DISC1: variants seen among roughly 807,000 people sequenced by gnomAD.
DISC1 encodes disrupted in schizophrenia 1 protein.
DISC1 carries 57 observed loss-of-function variants against 84.5 expected under a neutral mutation model. The ratio of observed to expected loss-of-function variants is 0.67; its 90% CI spans 0.55 to 0.84. The LOEUF (loss-of-function observed/expected upper bound fraction) is 0.84. Ranked by LOEUF, DISC1 falls within the 40% of genes least tolerant of loss-of-function variation. The probability of loss-of-function intolerance (pLI) is 0.00; values close to 1 mark genes in which losing one functional copy is unlikely to be tolerated. For missense variants in DISC1, 1,000 were observed against 1,057.8 expected, an observed-to-expected ratio of 0.95 and a Z score of 0.76; for synonymous variants, 411 against 415.2, an observed-to-expected ratio of 0.99 and a Z score of 0.12.
chr1:231,834,338 C>T lies in DISC1; in HGVS notation c.1981+15821C>T, dbSNP rs1291969190. ...GAAAAGGAAGATTAGAAAGACTTAG[C>T]GACGCTTGGGGTTGGGACTGAGGGG... On this transcript the variant is annotated intron_variant, in intron 9 of 12. Transcript: ENST00000439617. Among the ~76,000 whole-genome samples the T allele has an allele frequency of 4.6e-5, 7 of 151,924 alleles. No individual in the cohort carries two copies. The South Asian group carries it at 6.2e-4, about 14-fold the overall frequency.
intron 11 of DISC1, among the ~76,000 whole-genome samples, chr1:232,011,465 G>T (rs77814037): frequency 6.6e-6 from 1 of 152,188 alleles, no homozygotes; most frequent in African/African-American, 2.4e-5. Context: ...TTCCTGTATC[G>T]CAGTGCTGGA....
chr1:231,871,822 A>G (rs2085488161), intron 9 of DISC1, among the ~76,000 whole-genome samples: 1 of 152,186 alleles, frequency 6.6e-6, no homozygotes, highest in South Asian at 2.1e-4. Flanking sequence ...AATTGTTTCC[A>G]GGGCAGCTTG....
intron 1 of DISC1, among the ~76,000 whole-genome samples, chr1:231,688,038 C>T (rs1326567985): frequency 6.6e-6 from 1 of 151,744 alleles, no homozygotes. Context: ...AATTCCAAAA[C>T]CACATACATT....
intron 3 of DISC1, among the ~76,000 whole-genome samples, chr1:231,729,306 G>A (rs1423002323): frequency 6.6e-6 from 1 of 152,170 alleles, no homozygotes. Context: ...AAACATACGT[G>A]TGCATATGTC....
At chr1:231,791,629 G>A (rs2078359978) in intron 6 of DISC1, among the ~76,000 whole-genome samples, 1 of 152,194 alleles carries the variant, frequency 6.6e-6, no homozygotes, top group African/African-American at 2.4e-5. Context: ...TTCTGAAAAT[G>A]TGTTCGCTAA....
At chr1:231,749,339 T>C (rs909095920) in intron 3 of DISC1, among the ~76,000 whole-genome samples, 2 of 152,260 alleles carry the variant, frequency 1.3e-5, no homozygotes, top group African/African-American at 4.8e-5. Context: ...GAAAAAATTG[T>C]ATTACACAGA....
intron 3 of DISC1, among the ~76,000 whole-genome samples, chr1:231,745,948 C>G (rs1471154536): frequency 6.6e-6 from 1 of 152,094 alleles, no homozygotes; most frequent in Non-Finnish European, 1.5e-5. Flanking sequence ...GTTAAAAGAG[C>G]CTGGCATTTC....
At chr1:231,741,657 G>T (rs746948012) in intron 3 of DISC1, among the ~76,000 whole-genome samples, 1 of 152,156 alleles carries the variant, frequency 6.6e-6, no homozygotes, top group African/African-American at 2.4e-5. Context: ...CTACCTGCAG[G>T]GTTGGCAGGA....
intron 11 of DISC1, among the ~76,000 whole-genome samples, chr1:232,011,466 CA>C (rs1188937356): frequency 3.9e-5 from 6 of 152,120 alleles, no homozygotes; most frequent in Non-Finnish European, 4.4e-5. Context: ...TCCTGTATCG[CA>C]GTGCTGGATT....
chr1:232,008,712 G>T, intron 10 of DISC1, 73 bp from the exon 11 acceptor site: 1 of 1,491,214 alleles, frequency 6.7e-7, no homozygotes, highest in South Asian at 1.4e-5. Flanking sequence ...TAGCCAGGTA[G>T]ACAAGCTATC....
chr1:231,919,539 G>T (rs148151861), intron 9 of DISC1, among the ~76,000 whole-genome samples: 3 of 152,358 alleles, frequency 2.0e-5, no homozygotes, highest in East Asian at 1.9e-4. Flanking sequence ...GAACTTTGCT[G>T]TGGGGATTTG....
chr1:231,867,055 C>T (rs2125938530), intron 9 of DISC1, among the ~76,000 whole-genome samples: 1 of 152,322 alleles, frequency 6.6e-6, no homozygotes. Flanking sequence ...ATAGCATCAC[C>T]AGTCTTCTTG....
At chr1:231,950,955 A>T (rs186898058) in intron 9 of DISC1, among the ~76,000 whole-genome samples, 1 of 152,336 alleles carries the variant, frequency 6.6e-6, no homozygotes, top group African/African-American at 2.4e-5. Context: ...GCAATGGGGC[A>T]GAACTCTCTG....
In DISC1 at chr1:231,782,433, A is replaced by C. The variant is rs77196219; in HGVS notation, c.1634+11363A>C. 8.3e-4 allele frequency among the ~76,000 whole-genome samples: 126 copies of C among 152,292 alleles called. 1 individual carries two copies. The East Asian group carries it at 0.014, about 17-fold the overall frequency. ...CAACAGATTTTGAGAGATGCTTGAGAGAAATGTGAGGTTAAAATTGTCTCT... is the reference window on the plus strand; with the variant it reads ...CAACAGATTTTGAGAGATGCTTGAGCGAAATGTGAGGTTAAAATTGTCTCT... On this transcript the variant is annotated intron_variant, in intron 6 of 12. Transcript: ENST00000439617.
chr1:231,969,854 G>A (rs905775385), intron 10 of DISC1, among the ~76,000 whole-genome samples: 1 of 151,894 alleles, frequency 6.6e-6, no homozygotes, highest in African/African-American at 2.4e-5. Flanking sequence ...ACCATGTTTG[G>A]TTTTTCGTCT....
intron 10 of DISC1, among the ~76,000 whole-genome samples, chr1:231,960,138 C>G (rs1660183568): frequency 2.6e-5 from 4 of 152,150 alleles, no homozygotes. Flanking sequence ...AGCTATATAA[C>G]TGGAGGAAAG....
At chr1:231,647,221 A>G (rs920146651) in intron 1 of DISC1, among the ~76,000 whole-genome samples, 15 of 152,280 alleles carry the variant, frequency 9.9e-5, no homozygotes, top group African/African-American at 3.4e-4. Context: ...TCTTTAATTC[A>G]TCTTGAATTA....
At chr1:231,916,654 CAAA>C (rs3083755) in intron 9 of DISC1, among the ~76,000 whole-genome samples, 267 of 102,048 alleles carry the variant, frequency 2.6e-3, no homozygotes, top group African/African-American at 7.3e-3. Flanking sequence ...GACTCCGTCT[CAAA>C]AAAAAAAAAA....
intron 1 of DISC1, among the ~76,000 whole-genome samples, chr1:231,685,994 A>G (rs1248300360): frequency 1.3e-5 from 2 of 152,156 alleles, no homozygotes; most frequent in Admixed American, 6.5e-5. Context: ...AAACTCCAAA[A>G]TGACCTCCAG....
Sources: allele counts gnomAD v4.1 joint callset (sites outside exome capture counted in the v4.1 genomes callset), GRCh38; gene constraint gnomAD v4.1.1; transcripts MANE v1.5; gene names NCBI Gene and HGNC (gene_info 2026-07-23, HGNC 2026-07-21).